The following TPD52 variants were observed in gnomAD, a reference collection of about 807,000 sequenced individuals.
The protein encoded by TPD52 is prostate and colon associated protein.
TPD52 carries 17 observed loss-of-function variants against 31.3 expected under a neutral mutation model. That is an observed-to-expected ratio of 0.54 (90% CI 0.37 to 0.82). The LOEUF (loss-of-function observed/expected upper bound fraction) is 0.82, where lower values mean the gene tolerates loss of function less well. TPD52 is among the 40% of genes least tolerant of loss of function. The pLI is 0.00. For synonymous variants in TPD52, 83 were observed against 89.6 expected (o/e 0.93, Z 0.42); for missense variants, 212 against 240.1 (o/e 0.88, Z 0.77).
At chr8:80,144,828 T>C (rs542476564) in intron 1 of TPD52, among the ~76,000 whole-genome samples, 5 of 152,098 alleles carry the variant, frequency 3.3e-5, no homozygotes, top group East Asian at 1.9e-4. Flanking sequence ...TCAAGGATTG[T>C]CTAAATTTGT....
intron 1 of TPD52, among the ~76,000 whole-genome samples, chr8:80,085,082 T>C (rs1297696290): frequency 3.3e-5 from 5 of 152,358 alleles, no homozygotes; most frequent in African/African-American, 1.2e-4. Context: ...GAAGGTTGTA[T>C]TGTATGGTCC....
chr8:80,159,729 A>G (rs193045466), intron 1 of TPD52, among the ~76,000 whole-genome samples: 2 of 152,370 alleles, frequency 1.3e-5, no homozygotes, highest in African/African-American at 4.8e-5. Flanking sequence ...GCTGGTAACC[A>G]CAGTAGTTGT....
chr8:80,127,342 G>A (rs1009721331), intron 1 of TPD52, among the ~76,000 whole-genome samples: 23 of 152,166 alleles, frequency 1.5e-4, no homozygotes, highest in Admixed American at 1.2e-3. Context: ...ACTTCACTTC[G>A]TTCACGTTCA....
At position 80,036,360 on chromosome 8, in the gene TPD52, C is replaced by T. The variant is rs934623471; in HGVS notation, c.*1756G>A. On this transcript the variant is annotated 3_prime_UTR_variant, in exon 8 of 8. Coordinates refer to ENST00000518937, the MANE Select transcript of TPD52 (RefSeq NM_001025253.3). Reference sequence around the variant, plus strand: ...AAATAATTTAACACTTGAGTAAGCACAATATTTCTATAGAAAGACAGACTT... The same window carrying T: ...AAATAATTTAACACTTGAGTAAGCATAATATTTCTATAGAAAGACAGACTT... The T allele has an allele frequency of 2.0e-5, 3 of 152,540 alleles. No individual in the cohort carries two copies. Among genetic ancestry groups the T allele is most frequent in the African/African-American group, 7.2e-5 (3 of 41,408 alleles). 9.4% of individuals were successfully genotyped at this position (152,540 alleles called of 1,614,324 possible).
intron 1 of TPD52, among the ~76,000 whole-genome samples, chr8:80,070,255 G>A (rs766970496): frequency 1.1e-4 from 16 of 151,928 alleles, no homozygotes; most frequent in African/African-American, 2.2e-4. Flanking sequence ...CTAGTTCTTC[G>A]TCTTTGACTT....
At chr8:80,103,746 G>A (rs887939391) in intron 1 of TPD52, among the ~76,000 whole-genome samples, 2 of 152,196 alleles carry the variant, frequency 1.3e-5, no homozygotes, top group Non-Finnish European at 2.9e-5. Context: ...ACTAGGTTTG[G>A]AAGTCACAGC....
At chr8:80,123,419 T>G (rs764916348) in intron 1 of TPD52, among the ~76,000 whole-genome samples, 1 of 151,974 alleles carries the variant, frequency 6.6e-6, no homozygotes, top group South Asian at 2.1e-4. Context: ...AGAAAGAGAA[T>G]GTAGGTTTAA....
intron 1 of TPD52, among the ~76,000 whole-genome samples, chr8:80,070,596 G>A (rs1037296336): frequency 1.3e-5 from 2 of 152,188 alleles, no homozygotes; most frequent in African/African-American, 4.8e-5. Context: ...TCTGACAGGA[G>A]GCAGAGCTCA....
chr8:80,062,865 A>G (rs1301313652), intron 2 of TPD52, among the ~76,000 whole-genome samples: 1 of 152,184 alleles, frequency 6.6e-6, no homozygotes, highest in Non-Finnish European at 1.5e-5. Context: ...GCTACTCAGG[A>G]GGCTGAGGCA....
At chr8:80,031,707 A>G (rs1809698562), downstream of TPD52, among the ~76,000 whole-genome samples, 1 of 152,070 alleles carries the variant, frequency 6.6e-6, no homozygotes, top group Non-Finnish European at 1.5e-5. Flanking sequence ...AAATAGAAAA[A>G]TCAGCCTGGG....
intron 1 of TPD52, among the ~76,000 whole-genome samples, chr8:80,150,886 G>C (rs1450932216): frequency 1.3e-5 from 2 of 152,210 alleles, no homozygotes; most frequent in Non-Finnish European, 2.9e-5. Flanking sequence ...ATGATGAAAT[G>C]AGTTAAGACT....
chr8:80,032,484 G>A (rs527786397), downstream of TPD52, among the ~76,000 whole-genome samples: 51 of 152,244 alleles, frequency 3.3e-4, no homozygotes, highest in Admixed American at 2.0e-3. Flanking sequence ...AGGGAACATC[G>A]CTTGAGCCCA....
At chr8:80,119,950 A>G (rs117365509) in intron 1 of TPD52, 1 of 309,114 alleles carries the variant, frequency 3.2e-6, no homozygotes, top group East Asian at 1.0e-4. Flanking sequence ...GACATTAATA[A>G]TTTGGGTACT....
At chr8:80,105,718 T>C (rs868727604) in intron 1 of TPD52, among the ~76,000 whole-genome samples, 1 of 142,702 alleles carries the variant, frequency 7.0e-6, no homozygotes, top group Non-Finnish European at 1.5e-5. Flanking sequence ...ATTACACCCA[T>C]CCCAGGTCTG....
chr8:80,051,854 A>C (rs573585341), intron 3 of TPD52: 2 of 435,620 alleles, frequency 4.6e-6, no homozygotes, highest in East Asian at 3.6e-5. Flanking sequence ...TAGTCCAGCC[A>C]GAAAGACAGA....
At chr8:80,133,860 A>G (rs1586365057) in intron 1 of TPD52, among the ~76,000 whole-genome samples, 1 of 152,222 alleles carries the variant, frequency 6.6e-6, no homozygotes, top group South Asian at 2.1e-4. Flanking sequence ...AAAACACCCC[A>G]AGGAAGAATA....
At chr8:80,085,254 A>G (rs780242661) in intron 1 of TPD52, among the ~76,000 whole-genome samples, 3 of 152,234 alleles carry the variant, frequency 2.0e-5, no homozygotes, top group South Asian at 2.1e-4. Flanking sequence ...TGCAGCCAGT[A>G]AAGTGCGTAT....
intron 1 of TPD52, among the ~76,000 whole-genome samples, chr8:80,149,179 A>C (rs1810405111): frequency 6.6e-6 from 1 of 152,140 alleles, no homozygotes; most frequent in Admixed American, 6.5e-5. Context: ...GTGTTGTGGG[A>C]GGGACCCAGT....
intron 1 of TPD52, among the ~76,000 whole-genome samples, chr8:80,070,585 A>C (rs910072103): frequency 2.0e-5 from 3 of 152,124 alleles, no homozygotes; most frequent in African/African-American, 7.2e-5. Flanking sequence ...GCCACCACTG[A>C]TCTGACAGGA....
Sources: allele counts gnomAD v4.1 joint callset (sites outside exome capture counted in the v4.1 genomes callset), GRCh38; gene constraint gnomAD v4.1.1; transcripts MANE v1.5; gene names NCBI Gene and HGNC (gene_info 2026-07-23, HGNC 2026-07-21).